Variants in EEIG1 observed in about 807,000 individuals in gnomAD.
The protein encoded by EEIG1 is estrogen-induced osteoclastogenesis regulator 1.
the EEIG1 span, chr9:127,943,728 G>C: frequency 1.2e-5 from 2 of 161,416 alleles, no homozygotes; most frequent in African/African-American, 4.8e-5. Flanking sequence ...CTCATTTTCA[G>C]AGGGGGCCAG....
chr9:127,942,085 G>A, the EEIG1 span: 2 of 152,844 alleles, frequency 1.3e-5, no homozygotes, highest in South Asian at 4.1e-4. Context: ...CCTTAAAGGA[G>A]CCCTTCCCCC....
the EEIG1 span, among the ~76,000 whole-genome samples, chr9:127,964,003 G>C: frequency 6.6e-6 from 1 of 152,180 alleles, no homozygotes; most frequent in Non-Finnish European, 1.5e-5. Context: ...GCTGGGTGAA[G>C]ACCTGGGGGG....
chr9:127,971,979 G>A, the EEIG1 span, among the ~76,000 whole-genome samples: 4 of 152,122 alleles, frequency 2.6e-5, no homozygotes, highest in African/African-American at 4.8e-5. Context: ...CGGGAGTGGC[G>A]GGGCCTCCCA....
the EEIG1 span, among the ~76,000 whole-genome samples, chr9:127,947,308 C>A: frequency 1.3e-5 from 2 of 150,816 alleles, no homozygotes; most frequent in Admixed American, 1.3e-4. Flanking sequence ...TGGTGGCGCT[C>A]GCCTGTAGTC....
the EEIG1 span, among the ~76,000 whole-genome samples, chr9:127,966,473 G>T: frequency 1.1e-4 from 17 of 151,252 alleles, no homozygotes; most frequent in South Asian, 1.5e-3. Flanking sequence ...CATGCAGGCA[G>T]GTGTGGGCAT....
At chr9:127,954,219 C>T in the EEIG1 span, among the ~76,000 whole-genome samples, 3 of 152,224 alleles carry the variant, frequency 2.0e-5, no homozygotes, top group Non-Finnish European at 4.4e-5. Context: ...CCCTCTGTAC[C>T]CAGTGCTGCT....
chr9:127,975,272 T>A, the EEIG1 span, among the ~76,000 whole-genome samples: 10 of 152,040 alleles, frequency 6.6e-5, no homozygotes, highest in Non-Finnish European at 1.5e-4. Context: ...GGGGCCACCA[T>A]CCCAGCCGTG....
At chr9:127,979,930 C>CCAAGTGT in the EEIG1 span, 1 of 1,548,416 alleles carries the variant, frequency 6.5e-7, no homozygotes, top group Non-Finnish European at 8.7e-7. Context: ...TCCACACTTG[C>CCAAGTGT]CAAGTGTCTA....
chr9:127,978,414 T>G, the EEIG1 span, among the ~76,000 whole-genome samples: 1 of 152,144 alleles, frequency 6.6e-6, no homozygotes, highest in African/African-American at 2.4e-5. Flanking sequence ...GGGAGGCAGC[T>G]CTGGCTAACA....
chr9:127,950,711 C>T, the EEIG1 span: 11 of 1,396,638 alleles, frequency 7.9e-6, no homozygotes, highest in East Asian at 8.1e-5. Context: ...ACAGAGGCCC[C>T]GGGTCGGCAG....
At chr9:127,954,031 A>G in the EEIG1 span, 56 of 1,356,162 alleles carry the variant, frequency 4.1e-5, no homozygotes, top group Non-Finnish European at 5.5e-5. Flanking sequence ...AGGCGGTGGG[A>G]AGCTCCACTT....
chr9:127,959,795 C>G, the EEIG1 span, among the ~76,000 whole-genome samples: 2 of 152,192 alleles, frequency 1.3e-5, no homozygotes, highest in East Asian at 3.8e-4. Context: ...AAACTTCTTT[C>G]CTTTGTAAAT....
the EEIG1 span, among the ~76,000 whole-genome samples, chr9:127,952,225 G>A: frequency 2.0e-5 from 3 of 152,366 alleles, no homozygotes; most frequent in East Asian, 1.9e-4. Context: ...GGAGAGGGAC[G>A]TCAGCGCCCC....
At chr9:127,966,443 GAAA>G in the EEIG1 span, among the ~76,000 whole-genome samples, 3 of 111,100 alleles carry the variant, frequency 2.7e-5, no homozygotes, top group Non-Finnish European at 5.8e-5. Flanking sequence ...CCCCATCTCC[GAAA>G]AAAAAAAAAA....
the EEIG1 span, chr9:127,941,197 G>A: frequency 6.6e-6 from 1 of 152,250 alleles, no homozygotes; most frequent in Non-Finnish European, 1.5e-5. Context: ...CCCAGGGCCT[G>A]GCGTGGGAGG....
the EEIG1 span, chr9:127,980,258 C>T: frequency 2.7e-6 from 3 of 1,126,962 alleles, no homozygotes; most frequent in Admixed American, 2.5e-5. Context: ...CTGATGGTGG[C>T]GGAGACGGCG....
At chr9:127,968,877 C>G in the EEIG1 span, among the ~76,000 whole-genome samples, 1 of 152,188 alleles carries the variant, frequency 6.6e-6, no homozygotes, top group Non-Finnish European at 1.5e-5. Context: ...TCACTGGTCT[C>G]CACCTCCTCC....
chr9:127,956,746 A>C, the EEIG1 span, among the ~76,000 whole-genome samples: 1 of 141,738 alleles, frequency 7.1e-6, no homozygotes, highest in East Asian at 2.2e-4. Flanking sequence ...ACAGAGTCTC[A>C]CTCTATGGCC....
the EEIG1 span, among the ~76,000 whole-genome samples, chr9:127,959,567 G>T: frequency 6.6e-6 from 1 of 152,214 alleles, no homozygotes; most frequent in Admixed American, 6.5e-5. Context: ...AGGGCCTGGG[G>T]GGAGGTGATT....
Sources: gnomAD v4.1 joint callset for allele counts (sites outside exome capture counted in the v4.1 genomes callset) on GRCh38, gnomAD v4.1.1 for gene constraint, MANE v1.5 for transcripts, NCBI Gene and HGNC (gene_info 2026-07-23, HGNC 2026-07-21) for gene names.